Variants in MRM2 observed in about 807,000 individuals in gnomAD.
MRM2 encodes the protein rRNA methyltransferase 2, mitochondrial.
A neutral mutation model predicts 10.9 loss-of-function variants in MRM2; 15 were observed. The ratio of observed to expected loss-of-function variants is 1.37; its 90% CI spans 0.92 to 2.11. MRM2 has a LOEUF of 2.11. Among genes scored for constraint, MRM2 ranks in the 30% most tolerant of loss-of-function variants. MRM2 has a pLI of 0.00. For missense variants in MRM2, 328 were observed against 321.3 expected, an observed-to-expected ratio of 1.02 and a Z score of -0.16; for synonymous variants, 139 against 128.7, an observed-to-expected ratio of 1.08 and a Z score of -0.54.
intron 1 of MRM2, 198 bp downstream of exon 1, chr7:2,241,964 C>T (rs1488264210): frequency 5.6e-6 from 3 of 532,872 alleles, no homozygotes; most frequent in Non-Finnish European, 6.3e-6. Context: ...GCCGGCCCTG[C>T]CCCTGGAGAC....
At position 2,235,194 on chromosome 7, in the gene MRM2, G is replaced by T; in HGVS notation, c.669C>A (p.Ser223Arg). 1 of 1,613,996 alleles carries T rather than the reference G, an allele frequency of 6.2e-7. No individual in the cohort carries two copies. Among genetic ancestry groups the T allele is most frequent in the Non-Finnish European group, 8.5e-7 (1 of 1,179,876 alleles). The change falls in exon 3 of 3, where the codon AGC becomes AGA. Residue 223 changes from serine (S) to arginine (R), a missense_variant. Physicochemically the swap from Ser to Arg is moderately radical, Grantham distance 110 (BLOSUM62 -1). Coordinates refer to ENST00000242257, the MANE Select transcript of MRM2 (RefSeq NM_013393.3). ...AGTACACTTCTGATGACTCTTTCCT[G>T]CTGGCTTCAGGTTTGATGATCCTTA... ...QNVRIIKPEA[S>R]RKESSEVYFL...
Position 2,235,080 on chromosome 7 carries a change from A to G in MRM2, c.*42T>C. 6.8e-7 allele frequency: 1 copy of G among 1,474,234 alleles called. No individual in the cohort carries two copies. The highest frequency in any genetic ancestry group is 9.4e-7 in the Non-Finnish European group (1 of 1,063,010). The allele number at this position is 1,474,234 out of a possible 1,614,324, so 91.3% of individuals were successfully genotyped here. ...GGAGCTCAGGCTACGTTTCTAGCTT[A>G]AAAGGAGCTAATGACCATTATGAAA... On this transcript the variant is annotated 3_prime_UTR_variant, in exon 3 of 3. Coordinates refer to ENST00000242257, the MANE Select transcript of MRM2 (RefSeq NM_013393.3).
chr7:2,241,812 G>A (rs1252345949), intron 1 of MRM2, among the ~76,000 whole-genome samples: 3 of 152,352 alleles, frequency 2.0e-5, no homozygotes, highest in Non-Finnish European at 2.9e-5. Context: ...CCACTCGACA[G>A]CCCAGGAAGC....
chr7:2,237,110 A>T (rs1278457745), intron 2 of MRM2, among the ~76,000 whole-genome samples: 1 of 151,630 alleles, frequency 6.6e-6, no homozygotes, highest in Non-Finnish European at 1.5e-5. Context: ...GGTTCGAGCG[A>T]CCCCTGCCAC....
chr7:2,236,526 A>G (rs1794422085), intron 2 of MRM2, among the ~76,000 whole-genome samples: 1 of 152,164 alleles, frequency 6.6e-6, no homozygotes. Context: ...CTGTCTCTAC[A>G]AAAAAATATA....
At chr7:2,241,861 G>A (rs1454252182) in intron 1 of MRM2, 4 of 395,876 alleles carry the variant, frequency 1.0e-5, no homozygotes, top group Admixed American at 4.7e-5. Context: ...GCGAAATCCC[G>A]CCCCGGGCTC....
rs1222532393 is a variant in MRM2 at position 2,239,686 on chromosome 7, AACAC to A, written c.26_29del (p.Cys9PhefsTer26). The A allele has an allele frequency of 6.2e-7, 1 of 1,612,424 alleles. No individual in the cohort carries two copies. Among genetic ancestry groups the A allele is most frequent in the Non-Finnish European group, 8.5e-7 (1 of 1,178,676 alleles). On this transcript the variant is annotated frameshift_variant, in exon 2 of 3. Coordinates refer to ENST00000242257, the MANE Select transcript of MRM2 (RefSeq NM_013393.3). LOFTEE classifies it high-confidence loss of function. ...TGTGGAACCCTTGACGCTGAAAGGA[AACAC>A]ACACCAGCTTCAAGTACCTGGTGGG...
chr7:2,242,059 C>G, intron 1 of MRM2, 103 bp downstream of exon 1: 3 of 1,271,044 alleles, frequency 2.4e-6, no homozygotes, highest in Non-Finnish European at 3.3e-6. Context: ...GGACGGTGCC[C>G]AGCGCTCGGC....
intron 2 of MRM2, among the ~76,000 whole-genome samples, chr7:2,237,332 C>T (rs976508854): frequency 2.0e-5 from 3 of 152,220 alleles, no homozygotes; most frequent in Non-Finnish European, 2.9e-5. Context: ...GCTTTCACTC[C>T]TATAATATCC....
At chr7:2,241,669 G>C (rs1046583069) in intron 1 of MRM2, among the ~76,000 whole-genome samples, 1 of 152,370 alleles carries the variant, frequency 6.6e-6, no homozygotes, top group East Asian at 1.9e-4. Context: ...CAAGGCCAAA[G>C]CTTCTAGCTT....
At chr7:2,238,970 A>C (rs1180712805) in intron 2 of MRM2, 1 of 159,516 alleles carries the variant, frequency 6.3e-6, no homozygotes, top group Non-Finnish European at 1.1e-5. Context: ...AATAATAACA[A>C]TAATAATTAT....
At position 2,234,546 on chromosome 7, in the gene MRM2, G is replaced by A. The variant is rs1794379796; in HGVS notation, c.*576C>T. 6.6e-6 allele frequency: 1 copy of A among 152,562 alleles called. No homozygotes were observed. Among genetic ancestry groups the A allele is most frequent in the Non-Finnish European group, 1.5e-5 (1 of 68,384 alleles). 9.5% of individuals were successfully genotyped at this position (152,562 alleles called of 1,614,324 possible). ...GTTTTTCATTTTTGTAGACATGGGG[G>A]GTGTTGCTATGTTGCCCAGGTTGGT... On this transcript the variant is annotated 3_prime_UTR_variant, in exon 3 of 3. Coordinates refer to ENST00000242257, the MANE Select transcript of MRM2 (RefSeq NM_013393.3).
At chr7:2,239,086 A>C in intron 2 of MRM2, 3 of 741,794 alleles carry the variant, frequency 4.0e-6, no homozygotes, top group Non-Finnish European at 7.6e-6. Flanking sequence ...GCAAATTAGC[A>C]AGAAAAGTAT....
At chr7:2,237,901 A>C (rs1276607344) in intron 2 of MRM2, 3 of 151,938 alleles carry the variant, frequency 2.0e-5, no homozygotes, top group African/African-American at 7.3e-5. Context: ...CAAAAAAAAA[A>C]AAAAAAAAAA....
intron 1 of MRM2, chr7:2,240,209 G>A (rs1460115009): frequency 5.6e-5 from 25 of 447,028 alleles, no homozygotes; most frequent in African/African-American, 1.4e-4. Context: ...GCGACAGAGC[G>A]AGACTCTGTC....
At chr7:2,242,141 C>A in intron 1 of MRM2, 21 bp downstream of exon 1, 3 of 1,583,376 alleles carry the variant, frequency 1.9e-6, no homozygotes, top group Non-Finnish European at 2.6e-6. Flanking sequence ...TCTGCACGCG[C>A]AGCAGCAGCG....
chr7:2,239,367 C>A, intron 2 of MRM2, 51 bp downstream of exon 2: 2 of 1,558,472 alleles, frequency 1.3e-6, no homozygotes, highest in Non-Finnish European at 1.7e-6. Flanking sequence ...TGCCCATGCC[C>A]ACTCAGCCTC....
chr7:2,240,381 G>A, intron 1 of MRM2: 1 of 384,506 alleles, frequency 2.6e-6, no homozygotes, highest in South Asian at 1.9e-5. Context: ...AGTACAGAGG[G>A]TCTGGCCTGT....
chr7:2,240,706 T>C (rs192577209), intron 1 of MRM2, among the ~76,000 whole-genome samples: 213 of 151,508 alleles, frequency 1.4e-3, no homozygotes, highest in Non-Finnish European at 2.3e-3. Context: ...TTCTATGTCC[T>C]CTTTTTCTTT....
Sources: gnomAD v4.1 joint callset for allele counts (sites outside exome capture counted in the v4.1 genomes callset) on GRCh38, gnomAD v4.1.1 for gene constraint, MANE v1.5 for transcripts, NCBI Gene and HGNC (gene_info 2026-07-23, HGNC 2026-07-21) for gene names.